The following WDFY1 variants were observed in gnomAD, a reference collection of about 807,000 sequenced individuals.
WDFY1 encodes WD repeat and FYVE domain containing 1, also known as WD repeat and FYVE domain-containing protein 1.
In WDFY1, 32 loss-of-function variants were observed where a neutral mutation model predicts 56.4. The observed-to-expected ratio is 0.57, with a 90% CI of 0.43 to 0.76. WDFY1 has a LOEUF of 0.76. Ranked by LOEUF, WDFY1 falls within the 30% of genes least tolerant of loss-of-function variation. WDFY1 has a pLI of 0.00. For missense variants in WDFY1, 480 were observed against 545.7 expected (o/e 0.88, Z 1.20); for synonymous variants, 192 against 197.3 (o/e 0.97, Z 0.23).
At position 223,886,729 on chromosome 2, in the gene WDFY1, T is replaced by TAAAAAAAAAA. The variant is rs34317110; in HGVS notation, c.832-1990_832-1981dup. On this transcript the variant is annotated intron_variant, in intron 8 of 11. Transcript: ENST00000233055. The stretch of plus-strand genomic sequence containing the variant: ...TAGGCGACAAGAGTGAAACTCCGTC[T>TAAAAAAAAAA]AAAAAAAAAAAAAAAAAAAAGCCTG... 3.1e-5 allele frequency among the ~76,000 whole-genome samples: 3 copies of TAAAAAAAAAA among 95,630 alleles called. 1 individual carries two copies. Among genetic ancestry groups the TAAAAAAAAAA allele is most frequent in the Non-Finnish European group, 5.8e-5 (3 of 51,446 alleles). The allele number at this position is 95,630 out of a possible 152,430, so 62.7% of individuals were successfully genotyped here. A position where few individuals can be genotyped will look rare whatever the true frequency, so the allele number is the denominator to read the frequency against.
chr2:223,880,125 T>G lies in WDFY1; in HGVS notation c.1172A>C (p.Lys391Thr). The G allele has an allele frequency of 6.2e-7, 1 of 1,613,564 alleles. No homozygotes were observed. The highest frequency in any genetic ancestry group is 2.2e-5 in the East Asian group (1 of 44,858). Residue 391 changes from lysine (K) to threonine (T), a missense_variant and splice_region_variant, in exon 11 of 12, where the codon AAG becomes ACG. Transcript: ENST00000233055. ...MVTCGTDRIV[K>T]IWDMTPVVGC... ...CTGACAGACAATTAGCCAGCTTACCTTTACAATGCGGTCGGTCCCACAGGT... is the reference window on the plus strand; with the variant it reads ...CTGACAGACAATTAGCCAGCTTACCGTTACAATGCGGTCGGTCCCACAGGT...
chr2:223,926,182 G>A (rs1693975358), intron 1 of WDFY1, among the ~76,000 whole-genome samples: 2 of 151,986 alleles, frequency 1.3e-5, no homozygotes, highest in African/African-American at 2.4e-5. Context: ...GGTCTCCCTC[G>A]GTTACTCAGG....
intron 8 of WDFY1, among the ~76,000 whole-genome samples, chr2:223,887,995 A>G (rs1226728549): frequency 6.6e-6 from 1 of 152,214 alleles, no homozygotes; most frequent in Non-Finnish European, 1.5e-5. Context: ...ACACAAATAC[A>G]AAATTGTATT....
At chr2:223,903,109 A>T (rs929454045) in intron 4 of WDFY1, among the ~76,000 whole-genome samples, 30 of 152,198 alleles carry the variant, frequency 2.0e-4, no homozygotes, top group Non-Finnish European at 3.8e-4. Flanking sequence ...CAAAATAAAA[A>T]ATACAGCAAT....
intron 1 of WDFY1, among the ~76,000 whole-genome samples, chr2:223,918,804 G>GAA (rs999039050): frequency 2.6e-5 from 4 of 152,144 alleles, no homozygotes; most frequent in African/African-American, 4.8e-5. Context: ...GAGTGGCATG[G>GAA]AGAGGGGCGC....
intron 5 of WDFY1, 124 bp downstream of exon 5, chr2:223,901,059 T>A (rs1177404263): frequency 8.0e-7 from 1 of 1,252,478 alleles, no homozygotes; most frequent in Admixed American, 3.3e-5. Context: ...ATGCAATTAC[T>A]TTTGCACAAA....
intron 1 of WDFY1, among the ~76,000 whole-genome samples, chr2:223,943,984 T>C (rs1035445197): frequency 1.3e-5 from 2 of 152,256 alleles, no homozygotes; most frequent in African/African-American, 4.8e-5. Flanking sequence ...ATTAACATGT[T>C]TTAGTTATTA....
At chr2:223,916,088 A>G (rs1349673931) in intron 2 of WDFY1, among the ~76,000 whole-genome samples, 1 of 152,152 alleles carries the variant, frequency 6.6e-6, no homozygotes, top group Non-Finnish European at 1.5e-5. Context: ...TTCCTTTCAT[A>G]ATAGTTATCT....
At chr2:223,920,609 T>C (rs1693871286) in intron 1 of WDFY1, among the ~76,000 whole-genome samples, 1 of 152,228 alleles carries the variant, frequency 6.6e-6, no homozygotes, top group South Asian at 2.1e-4. Flanking sequence ...AGTGCCCTGT[T>C]GTGTGTGAAC....
At position 223,905,993 on chromosome 2, in the gene WDFY1, G is replaced by T; in HGVS notation, c.288C>A (p.His96Gln). 6.4e-7 allele frequency: 1 copy of T among 1,572,892 alleles called. No homozygotes were observed. Among genetic ancestry groups the T allele is most frequent in the South Asian group, 1.2e-5 (1 of 83,836 alleles). Residue 96 changes from histidine (H) to glutamine (Q), a missense_variant, in exon 4 of 12, where the codon CAC (histidine) becomes CAA (glutamine). Coordinates refer to ENST00000233055, the MANE Select transcript of WDFY1 (RefSeq NM_020830.5). ...TCATTTTATTAAAATCTTCAGAAAC[G>T]TGAAATTCCTAAAAGCAAATGCACA... Reference protein sequence around the residue: ...GQDNGAVMEFHVSEDFNKMNF... With the variant: ...GQDNGAVMEFQVSEDFNKMNF...
chr2:223,899,977 G>A (rs781295140), intron 5 of WDFY1, among the ~76,000 whole-genome samples: 87 of 152,212 alleles, frequency 5.7e-4, no homozygotes, highest in Non-Finnish European at 1.0e-3. Context: ...AATCCAAAAC[G>A]CAGTTATTTG....
intron 3 of WDFY1, among the ~76,000 whole-genome samples, chr2:223,907,752 C>T (rs762219153): frequency 1.3e-5 from 2 of 152,190 alleles, no homozygotes; most frequent in Non-Finnish European, 2.9e-5. Flanking sequence ...ATTTCCAGCA[C>T]CCTCACCTGC....
chr2:223,929,154 T>C (rs1355355351), intron 1 of WDFY1, among the ~76,000 whole-genome samples: 1 of 150,408 alleles, frequency 6.6e-6, no homozygotes, highest in African/African-American at 2.4e-5. Context: ...CATGTGTCCC[T>C]GTCTAACTTC....
chr2:223,885,860 C>T (rs1169311089), intron 8 of WDFY1, among the ~76,000 whole-genome samples: 1 of 152,166 alleles, frequency 6.6e-6, no homozygotes, highest in Non-Finnish European at 1.5e-5. Context: ...GCCACACAGG[C>T]ATCCTGCAGC....
chr2:223,928,514 C>G (rs1399652435), intron 1 of WDFY1, among the ~76,000 whole-genome samples: 2 of 152,130 alleles, frequency 1.3e-5, no homozygotes, highest in Non-Finnish European at 2.9e-5. Flanking sequence ...CCGACCTCCC[C>G]AGTGAGCCAC....
chr2:223,898,806 C>T (rs560082428), intron 6 of WDFY1, 152 bp downstream of exon 6: 1 of 625,422 alleles, frequency 1.6e-6, no homozygotes, highest in East Asian at 2.8e-5. Context: ...CCCACCTTCA[C>T]TTAGTTTTCA....
At chr2:223,904,232 T>G (rs550630931) in intron 4 of WDFY1, among the ~76,000 whole-genome samples, 2 of 152,182 alleles carry the variant, frequency 1.3e-5, no homozygotes, top group Non-Finnish European at 1.5e-5. Context: ...GTCATTGTTA[T>G]ATCACTTTTC....
chr2:223,878,930 TC>T (rs1464474967), intron 11 of WDFY1, among the ~76,000 whole-genome samples, 200 bp from the exon 12 acceptor site: 2 of 152,258 alleles, frequency 1.3e-5, no homozygotes, highest in African/African-American at 4.8e-5. Context: ...ACGCCTGTAA[TC>T]CCAACACTTT....
intron 2 of WDFY1, among the ~76,000 whole-genome samples, chr2:223,916,504 T>C (rs1302913318): frequency 2.0e-5 from 3 of 152,218 alleles, no homozygotes; most frequent in East Asian, 3.9e-4. Flanking sequence ...TCATCACGCA[T>C]GCACTAAAGC....
Sources: allele counts gnomAD v4.1 joint callset (sites outside exome capture counted in the v4.1 genomes callset), GRCh38; gene constraint gnomAD v4.1.1; transcripts MANE v1.5; gene names NCBI Gene and HGNC (gene_info 2026-07-23, HGNC 2026-07-21).